ATF7: variants seen among roughly 807,000 people sequenced by gnomAD.
ATF7 encodes the protein cyclic AMP-dependent transcription factor ATF-7.
A neutral mutation model predicts 50.4 loss-of-function variants in ATF7; 10 were observed. The ratio of observed to expected loss-of-function variants is 0.20; its 90% CI spans 0.12 to 0.34. The LOEUF (loss-of-function observed/expected upper bound fraction) is 0.34. Among genes scored for constraint, ATF7 ranks in the 10% least tolerant of loss-of-function variants. The probability of loss-of-function intolerance (pLI) is 1.00; values close to 1 mark genes in which losing one functional copy is unlikely to be tolerated. For missense variants in ATF7, 465 were observed against 613.9 expected (o/e 0.76, Z 2.56); for synonymous variants, 201 against 226.4 (o/e 0.89, Z 1.01).
At chr12:53,589,075 A>T (rs1171055636) in intron 2 of ATF7, among the ~76,000 whole-genome samples, 1 of 152,192 alleles carries the variant, frequency 6.6e-6, no homozygotes, top group Non-Finnish European at 1.5e-5. Flanking sequence ...TTACCAAAAA[A>T]ACACTACTTA....
chr12:53,550,335 T>TAA (rs1565944418), intron 3 of ATF7, among the ~76,000 whole-genome samples: 1 of 109,750 alleles, frequency 9.1e-6, no homozygotes, highest in Admixed American at 1.0e-4. Flanking sequence ...AAAAAAAAAA[T>TAA]AAATAAATAA....
At position 53,532,529 on chromosome 12, in the gene ATF7, A is replaced by G. The variant is rs1427834284; in HGVS notation, c.755T>C (p.Ile252Thr). 1 of 1,601,758 alleles carries G rather than the reference A, an allele frequency of 6.2e-7. No homozygotes were observed. The highest frequency in any genetic ancestry group is 2.2e-5 in the East Asian group (1 of 44,600). The stretch of plus-strand genomic sequence containing the variant: ...ACTCACCATCTTGGCTTCTGATGGT[A>G]TAGGGTGGCCAGAGGGAGAAATGGA... Reference protein sequence around the residue: ...SGSISPSGHPIPSEAKMRLKA... With the variant: ...SGSISPSGHPTPSEAKMRLKA... Residue 252 changes from isoleucine to threonine, a missense_variant, in exon 8 of 12, where the codon ATA becomes ACA. Transcript: ENST00000420353.
At chr12:53,542,464 T>A (rs1390378346) in intron 4 of ATF7, among the ~76,000 whole-genome samples, 1 of 151,820 alleles carries the variant, frequency 6.6e-6, no homozygotes, top group Non-Finnish European at 1.5e-5. Flanking sequence ...TCTCACTCTG[T>A]CACCCAGGCT....
intron 2 of ATF7, among the ~76,000 whole-genome samples, chr12:53,580,034 G>A (rs1442863012): frequency 2.0e-5 from 3 of 151,850 alleles, no homozygotes; most frequent in Non-Finnish European, 2.9e-5. Context: ...AGGTTCAAGC[G>A]ATCCTCCTGC....
At chr12:53,528,428 G>A (rs558675789) in intron 9 of ATF7, among the ~76,000 whole-genome samples, 6 of 152,240 alleles carry the variant, frequency 3.9e-5, no homozygotes, top group Admixed American at 2.0e-4. Flanking sequence ...AGGAGTTTGA[G>A]ACCAGCCTGG....
intron 2 of ATF7, among the ~76,000 whole-genome samples, chr12:53,571,770 T>C (rs184228691): frequency 1.3e-5 from 2 of 152,012 alleles, no homozygotes; most frequent in Admixed American, 6.6e-5. Context: ...TTCTATTATA[T>C]AAAAAATGTG....
intron 1 of ATF7, among the ~76,000 whole-genome samples, chr12:53,612,955 C>T (rs1943960440): frequency 6.6e-6 from 1 of 152,012 alleles, no homozygotes; most frequent in African/African-American, 2.4e-5. Flanking sequence ...AGTGAGCCAA[C>T]CTCACAGCAC....
At chr12:53,579,091 A>C (rs980853628) in intron 2 of ATF7, among the ~76,000 whole-genome samples, 2 of 151,864 alleles carry the variant, frequency 1.3e-5, no homozygotes, top group African/African-American at 4.8e-5. Flanking sequence ...AAAAAAATAC[A>C]AAAAAAATTA....
chr12:53,573,310 C>T (rs571784849), intron 2 of ATF7, among the ~76,000 whole-genome samples: 1 of 152,162 alleles, frequency 6.6e-6, no homozygotes, highest in South Asian at 2.1e-4. Flanking sequence ...GGTTTCAAGA[C>T]CCATGAGGAT....
chr12:53,592,284 C>T (rs1292624812), intron 2 of ATF7, among the ~76,000 whole-genome samples: 1 of 152,184 alleles, frequency 6.6e-6, no homozygotes, highest in East Asian at 1.9e-4. Flanking sequence ...AAAGAAATTT[C>T]GAAGTAAAAA....
chr12:53,517,549 G>A, intron 11 of ATF7, 195 bp from the exon 12 acceptor site: 1 of 597,734 alleles, frequency 1.7e-6, no homozygotes, highest in South Asian at 2.1e-5. Flanking sequence ...TTGTAAGAAG[G>A]GAAGAACTAG....
intron 2 of ATF7, among the ~76,000 whole-genome samples, chr12:53,577,748 G>GAAAC (rs1942177516): frequency 6.8e-6 from 1 of 147,974 alleles, no homozygotes; most frequent in Non-Finnish European, 1.5e-5. Flanking sequence ...AAGAAAGAAA[G>GAAAC]AAAGAAACAC....
At chr12:53,578,443 C>T (rs974165581) in intron 2 of ATF7, among the ~76,000 whole-genome samples, 4 of 151,192 alleles carry the variant, frequency 2.6e-5, no homozygotes, top group Non-Finnish European at 5.9e-5. Context: ...AAATTGTTGC[C>T]CACAGACTTG....
intron 2 of ATF7, among the ~76,000 whole-genome samples, chr12:53,564,926 T>C (rs1255901171): frequency 1.3e-5 from 2 of 152,140 alleles, no homozygotes; most frequent in Admixed American, 6.5e-5. Flanking sequence ...TTGGCGTTAG[T>C]ATATTTTTAT....
intron 3 of ATF7, among the ~76,000 whole-genome samples, chr12:53,545,286 TG>T (rs1806547342): frequency 6.6e-6 from 1 of 152,178 alleles, no homozygotes; most frequent in South Asian, 2.1e-4. Flanking sequence ...ACCCTGAACC[TG>T]CTCTAATGAA....
chr12:53,520,962 CT>C (rs1416449360), intron 11 of ATF7, among the ~76,000 whole-genome samples: 1 of 151,966 alleles, frequency 6.6e-6, no homozygotes, highest in Non-Finnish European at 1.5e-5. Context: ...CCTTGTACCC[CT>C]GATGTCCTGT....
rs1938321069 is a variant in ATF7 at position 53,524,467 on chromosome 12, G to C, written c.1125+97C>G. The C allele has an allele frequency of 7.3e-7, 1 of 1,364,320 alleles. No homozygotes were observed. Among genetic ancestry groups the C allele is most frequent in the East Asian group, 2.3e-5 (1 of 43,266 alleles). The allele number at this position is 1,364,320 out of a possible 1,614,324, so 84.5% of individuals were successfully genotyped here. A position where few individuals can be genotyped will look rare whatever the true frequency, so the allele number is the denominator to read the frequency against. On this transcript the variant is annotated intron_variant, in intron 10 of 11. Coordinates refer to ENST00000420353, the MANE Select transcript of ATF7 (RefSeq NM_006856.3). This position sits in a 1 kb window ranked among gnomAD's most constrained non-coding sequence, Gnocchi z 4.6. ...GACAACTAGATCTGTCCTAATTAGA[G>C]AATTACCATCTTCTATCAAATTGTA...
intron 2 of ATF7, among the ~76,000 whole-genome samples, chr12:53,569,082 G>C (rs1217132072): frequency 6.6e-6 from 1 of 152,148 alleles, no homozygotes; most frequent in Non-Finnish European, 1.5e-5. Context: ...AGAGAAAGGA[G>C]GTTCCCTTGA....
intron 11 of ATF7, 51 bp from the exon 12 acceptor site, chr12:53,517,405 TG>T (rs1260447519): frequency 1.3e-6 from 2 of 1,528,856 alleles, no homozygotes; most frequent in Non-Finnish European, 1.8e-6. Context: ...GAAAACAGAA[TG>T]GGGAAAGAGG....
Sources: allele counts gnomAD v4.1 joint callset (sites outside exome capture counted in the v4.1 genomes callset), GRCh38; gene constraint gnomAD v4.1.1; non-coding constraint Gnocchi (gnomAD v3.1); transcripts MANE v1.5; gene names NCBI Gene and HGNC (gene_info 2026-07-23, HGNC 2026-07-21).